The following DGCR2 variants were observed in gnomAD, a reference collection of about 807,000 sequenced individuals.
DGCR2 encodes integral membrane protein DGCR2/IDD.
A neutral mutation model predicts 51.6 loss-of-function variants in DGCR2; 24 were observed. That is an observed-to-expected ratio of 0.47 (90% CI 0.34 to 0.65). DGCR2 has a LOEUF of 0.65. DGCR2 is among the 30% of genes least tolerant of loss of function. The probability of loss-of-function intolerance (pLI) is 0.01; values close to 1 mark genes in which losing one functional copy is unlikely to be tolerated. For missense variants in DGCR2, 765 were observed against 772.1 expected, an observed-to-expected ratio of 0.99 and a Z score of 0.11; for synonymous variants, 340 against 315.4, an observed-to-expected ratio of 1.08 and a Z score of -0.82.
chr22:19,116,942 C>T (rs970432819), intron 1 of DGCR2, among the ~76,000 whole-genome samples: 1 of 151,074 alleles, frequency 6.6e-6, no homozygotes, highest in Non-Finnish European at 1.5e-5. Context: ...TAAGAGGAAA[C>T]ATGCATAATG....
At chr22:19,076,109 G>C (rs1046381456) in intron 2 of DGCR2, among the ~76,000 whole-genome samples, 1 of 150,706 alleles carries the variant, frequency 6.6e-6, no homozygotes, top group African/African-American at 2.5e-5. Flanking sequence ...ACAGGCGTGC[G>C]CCATGACGCC....
chr22:19,041,546 C>T, intron 8 of DGCR2: 1 of 594,830 alleles, frequency 1.7e-6, no homozygotes, highest in East Asian at 2.8e-5. Context: ...TCTGGCTGAC[C>T]ACACCCCTCC....
chr22:19,048,621 C>G lies in DGCR2; in HGVS notation c.825G>C (p.Lys275Asn), dbSNP rs1234093501. The G allele has an allele frequency of 6.2e-7, 1 of 1,614,254 alleles. No individual in the cohort carries two copies. ...CKRSQTCVDIKDNVVDEGFYF... is the reference protein window; with the variant it reads ...CKRSQTCVDINDNVVDEGFYF... ...AGAACCCTTCATCCACCACGTTGTC[C>G]TTGATGTCAACACATGTTTGACCTG... The change falls in exon 7 of 10, where the codon AAG becomes AAC. Residue 275 changes from lysine to asparagine, a missense_variant. Coordinates refer to ENST00000263196, the MANE Select transcript of DGCR2 (RefSeq NM_005137.3).
intron 2 of DGCR2, among the ~76,000 whole-genome samples, chr22:19,073,285 T>C (rs1405378362): frequency 7.0e-6 from 1 of 143,390 alleles, no homozygotes; most frequent in Admixed American, 7.3e-5. Flanking sequence ...ACTGAATACA[T>C]GACAGCAAAC....
chr22:19,103,863 T>C (rs1233185946), intron 1 of DGCR2, among the ~76,000 whole-genome samples: 3 of 147,276 alleles, frequency 2.0e-5, no homozygotes, highest in Admixed American at 6.8e-5. Flanking sequence ...CTGGGCAACA[T>C]AGCCAGACCC....
chr22:19,044,201 CA>C (rs1482731095), intron 7 of DGCR2, among the ~76,000 whole-genome samples: 1 of 152,244 alleles, frequency 6.6e-6, no homozygotes, highest in Non-Finnish European at 1.5e-5. Context: ...CACTTGTAGT[CA>C]AGCACAAAGA....
chr22:19,098,832 A>T (rs777943789), intron 1 of DGCR2, among the ~76,000 whole-genome samples: 1 of 152,104 alleles, frequency 6.6e-6, no homozygotes, highest in Non-Finnish European at 1.5e-5. Flanking sequence ...GAGCTCAAGC[A>T]ATCTTCTCAC....
At chr22:19,077,279 G>A (rs928244388) in intron 2 of DGCR2, among the ~76,000 whole-genome samples, 6 of 152,134 alleles carry the variant, frequency 3.9e-5, no homozygotes, top group Admixed American at 6.5e-5. Context: ...CCAGTGTCAC[G>A]AAGACTTTAT....
intron 7 of DGCR2, chr22:19,046,288 G>T (rs763400266): frequency 6.6e-6 from 1 of 151,920 alleles, no homozygotes; most frequent in African/African-American, 2.4e-5. Flanking sequence ...ATTATTAATG[G>T]CACTTTTCTC....
chr22:19,083,388 C>T (rs754706660), intron 2 of DGCR2, among the ~76,000 whole-genome samples: 7 of 152,126 alleles, frequency 4.6e-5, no homozygotes, highest in Non-Finnish European at 1.0e-4. Flanking sequence ...GGCAAGTGCT[C>T]CCTCCTCATT....
intron 2 of DGCR2, among the ~76,000 whole-genome samples, chr22:19,072,582 A>G (rs554677989): frequency 5.9e-5 from 9 of 152,326 alleles, no homozygotes; most frequent in East Asian, 3.9e-4. Context: ...TGCTATTAAG[A>G]AGGAGCATGG....
intron 4 of DGCR2, among the ~76,000 whole-genome samples, chr22:19,064,392 G>C (rs937248874): frequency 2.4e-4 from 36 of 152,250 alleles, no homozygotes; most frequent in African/African-American, 8.7e-4. Flanking sequence ...AACTCTCACA[G>C]GGCATAACTG....
chr22:19,076,117 G>A (rs906629680), intron 2 of DGCR2, among the ~76,000 whole-genome samples: 3 of 145,988 alleles, frequency 2.1e-5, no homozygotes, highest in South Asian at 2.3e-4. Flanking sequence ...GCGCCATGAC[G>A]CCCAGCTAAT....
chr22:19,097,120 T>C (rs2083150172), intron 1 of DGCR2, among the ~76,000 whole-genome samples: 1 of 152,112 alleles, frequency 6.6e-6, no homozygotes, highest in African/African-American at 2.4e-5. Context: ...CAGCCAAGTC[T>C]TCTCTGGCAA....
intron 5 of DGCR2, among the ~76,000 whole-genome samples, chr22:19,062,757 G>GGCACA (rs1555903829): frequency 7.5e-6 from 1 of 134,162 alleles, no homozygotes; most frequent in Non-Finnish European, 1.7e-5. Flanking sequence ...AAATCTTTGC[G>GGCACA]CACACACACA....
chr22:19,117,504 G>A (rs1417241961), intron 1 of DGCR2, among the ~76,000 whole-genome samples: 1 of 152,230 alleles, frequency 6.6e-6, no homozygotes, highest in Non-Finnish European at 1.5e-5. Context: ...GGGTTAAGTG[G>A]GAGCAGCCTC....
At chr22:19,062,699 G>C (rs374990980) in intron 5 of DGCR2, among the ~76,000 whole-genome samples, 2 of 151,508 alleles carry the variant, frequency 1.3e-5, no homozygotes, top group South Asian at 4.2e-4. Flanking sequence ...GGAAACAGCA[G>C]CCATGTTTCC....
chr22:19,042,788 C>A (rs192565605), intron 7 of DGCR2, among the ~76,000 whole-genome samples: 99 of 152,266 alleles, frequency 6.5e-4, no homozygotes, highest in Non-Finnish European at 1.1e-3. Context: ...GAACAGTGAG[C>A]CCCTGTGGGC....
intron 6 of DGCR2, chr22:19,056,651 C>T: frequency 2.5e-6 from 1 of 392,534 alleles, no homozygotes; most frequent in Non-Finnish European, 4.6e-6. Flanking sequence ...GGGGAGGTGA[C>T]AAACAGCCTT....
Sources: gnomAD v4.1 joint callset for allele counts (sites outside exome capture counted in the v4.1 genomes callset) on GRCh38, gnomAD v4.1.1 for gene constraint, MANE v1.5 for transcripts, NCBI Gene and HGNC (gene_info 2026-07-23, HGNC 2026-07-21) for gene names.